Variants in RTN4 observed in about 807,000 individuals in gnomAD.
RTN4 encodes the protein reticulon-4.
In RTN4, 32 loss-of-function variants were observed where a neutral mutation model predicts 90.4. That is an observed-to-expected ratio of 0.35 (90% CI 0.27 to 0.48). RTN4 has a LOEUF of 0.48. RTN4 is among the 20% of genes least tolerant of loss of function. The pLI, the probability that RTN4 is intolerant of heterozygous loss-of-function variation, is 0.99. For synonymous variants in RTN4, 629 were observed against 552.5 expected (o/e 1.14, Z -1.94); for missense variants, 1,706 against 1,430.2 (o/e 1.19, Z -3.11).
In RTN4 at chr2:55,010,744, A is replaced by G. The variant is rs982610308; in HGVS notation, c.3013+14342T>C. On this transcript the variant is annotated intron_variant, in intron 3 of 8. Coordinates refer to ENST00000337526, the MANE Select transcript of RTN4 (RefSeq NM_020532.5). ...TGCACCTTATGAAGAGATAAACAGA[A>G]AATAAAAGTCAAATTACTAATGTTT... Among the ~76,000 whole-genome samples, 5 of 152,250 alleles carry G rather than the reference A, an allele frequency of 3.3e-5. No homozygotes were observed. The East Asian group carries it at 9.6e-4, about 29-fold the overall frequency.
chr2:55,126,181 C>T, the RTN4 span, among the ~76,000 whole-genome samples: 8 of 151,838 alleles, frequency 5.3e-5, no homozygotes, highest in African/African-American at 1.7e-4. Context: ...TGGAGCCTGA[C>T]CAACATGGAG....
At chr2:55,025,034 C>T in intron 3 of RTN4, 52 bp downstream of exon 3, 1 of 1,534,518 alleles carries the variant, frequency 6.5e-7, no homozygotes, top group African/African-American at 1.4e-5. Context: ...TGGAATGTTC[C>T]CTAAATCCAA....
At position 55,026,809 on chromosome 2, in the gene RTN4, C is replaced by T. The variant is rs1343807067; in HGVS notation, c.1290G>A (p.Glu430=). The change falls in exon 3 of 9, where the codon GAG becomes GAA. Residue 430 remains glutamate (E), a synonymous_variant. Coordinates refer to ENST00000337526, the MANE Select transcript of RTN4 (RefSeq NM_020532.5). ...CACTATCTTTTTCGTGATTAGTTTG[C>T]TCAAGGCTATCTGCAAAACATTTTT... ...VDKKCFADSL[E]QTNHEKDSES... 1.2e-6 allele frequency: 2 copies of T among 1,613,824 alleles called. No homozygotes were observed. The highest frequency in any genetic ancestry group is 1.7e-5 in the Admixed American group (1 of 59,962).
At chr2:55,131,666 C>G in the RTN4 span, among the ~76,000 whole-genome samples, 2 of 152,102 alleles carry the variant, frequency 1.3e-5, no homozygotes, top group South Asian at 4.1e-4. Flanking sequence ...GGTGTATCAC[C>G]TGAAGTCAGG....
Position 54,987,631 on chromosome 2 carries a change from C to T in RTN4, c.3081G>A (p.Leu1027=). 1 of 1,614,160 alleles carries T rather than the reference C, an allele frequency of 6.2e-7. No homozygotes were observed. Among genetic ancestry groups the T allele is most frequent in the African/African-American group, 1.3e-5 (1 of 75,042 alleles). The stretch of plus-strand genomic sequence containing the variant: ...TGCTGAATACTGTCAATGAAAGCAG[C>T]AGGAATAGGCTGGCACCAAACACCA... ...TGVVFGASLF[L]LLSLTVFSIV... The change falls in exon 4 of 9, where the codon CTG becomes CTA. Residue 1027 remains leucine (L), a synonymous_variant. Coordinates refer to ENST00000337526, the MANE Select transcript of RTN4 (RefSeq NM_020532.5).
Position 55,027,303 on chromosome 2 carries a change from G to T in RTN4, c.796C>A (p.Gln266Lys), listed in dbSNP as rs768644090. Residue 266 changes from glutamine to lysine, a missense_variant, in exon 3 of 9, where the codon CAA becomes AAA. Gln to Lys is a moderately conservative substitution (Grantham distance 53). Coordinates refer to ENST00000337526, the MANE Select transcript of RTN4 (RefSeq NM_020532.5). Reference sequence around the variant, plus strand: ...TTAGAAGCTTCACTGACATTTTCTTGAAGTGTTCCTTCAGTGGGTAATACT... The same window carrying T: ...TTAGAAGCTTCACTGACATTTTCTTTAAGTGTTCCTTCAGTGGGTAATACT... ...STVLPTEGTL[Q>K]ENVSEASKEV... is the part of the protein sequence containing the mutation. 8 of 1,613,648 alleles carry T rather than the reference G, an allele frequency of 5.0e-6. No individual in the cohort carries two copies. The highest frequency in any genetic ancestry group is 6.8e-6 in the Non-Finnish European group (8 of 1,179,730).
chr2:54,985,338 T>C (rs1374079386), intron 4 of RTN4, among the ~76,000 whole-genome samples: 1 of 151,912 alleles, frequency 6.6e-6, no homozygotes, highest in East Asian at 1.9e-4. Flanking sequence ...TTTTAATTTT[T>C]TGTAGAGATG....
Position 55,026,514 on chromosome 2 carries a change from A to C in RTN4, c.1585T>G (p.Tyr529Asp). 1 of 1,613,960 alleles carries C rather than the reference A, an allele frequency of 6.2e-7. No individual in the cohort carries two copies. Among genetic ancestry groups the C allele is most frequent in the Non-Finnish European group, 8.5e-7 (1 of 1,179,936 alleles). ...TTTGTTAAATTATCTGTTGTGACAT[A>C]ATCTGTCTCAGAATCCTGTGCTGCT... ...LVAAQDSETD[Y>D]VTTDNLTKVT... Residue 529 changes from tyrosine to aspartate, a missense_variant, in exon 3 of 9, where the codon TAT (tyrosine) becomes GAT (aspartate). Tyr to Asp is a radical substitution (Grantham distance 160, BLOSUM62 -3). Transcript: ENST00000337526.
At chr2:55,128,677 C>T in the RTN4 span, among the ~76,000 whole-genome samples, 1 of 151,544 alleles carries the variant, frequency 6.6e-6, no homozygotes. Context: ...CAATTCAGAA[C>T]AATGAAAGAT....
At chr2:55,107,406 A>AC in intron 1 of RTN4, among the ~76,000 whole-genome samples, 1 of 147,978 alleles carries the variant, frequency 6.8e-6, no homozygotes, top group East Asian at 1.9e-4. Context: ...TGAACCTCAA[A>AC]AAAAAAAAAA....
chr2:55,074,125 G>A (rs1668560836), intron 2 of RTN4, among the ~76,000 whole-genome samples: 1 of 152,194 alleles, frequency 6.6e-6, no homozygotes, highest in South Asian at 2.1e-4. Flanking sequence ...AAGGTGATGT[G>A]CTTTAGTAAC....
chr2:55,016,966 T>G (rs987170088), intron 3 of RTN4, among the ~76,000 whole-genome samples: 1 of 152,208 alleles, frequency 6.6e-6, no homozygotes, highest in Non-Finnish European at 1.5e-5. Flanking sequence ...CTCTTTTTTA[T>G]GGTACATATT....
intron 3 of RTN4, among the ~76,000 whole-genome samples, chr2:55,004,842 G>C (rs1680092960): frequency 6.6e-6 from 1 of 152,086 alleles, no homozygotes; most frequent in African/African-American, 2.4e-5. Context: ...AACCCCTCAT[G>C]CCCTTCCCTT....
chr2:55,047,317 G>C (rs1049267766), intron 1 of RTN4, among the ~76,000 whole-genome samples: 48 of 144,164 alleles, frequency 3.3e-4, no homozygotes, highest in Admixed American at 2.8e-3. Context: ...TGACAAGGGG[G>C]AGACTATCTC....
At chr2:55,046,468 T>C (rs1181349216) in intron 1 of RTN4, among the ~76,000 whole-genome samples, 1 of 152,126 alleles carries the variant, frequency 6.6e-6, no homozygotes, top group Non-Finnish European at 1.5e-5. Context: ...TGGAAATGTT[T>C]TCTCTCTGCA....
chr2:55,051,583 G>A (rs538603538), upstream of RTN4, among the ~76,000 whole-genome samples: 1 of 152,152 alleles, frequency 6.6e-6, no homozygotes, highest in African/African-American at 2.4e-5. Context: ...TGCCTACTCT[G>A]GAGGCCCTGG....
In RTN4 at chr2:54,973,034, T is replaced by C. The variant is rs973652154; in HGVS notation, c.*122A>G. On this transcript the variant is annotated 3_prime_UTR_variant, in exon 9 of 9. Transcript: ENST00000337526. ...AACAGTGCATGGCTAAAAATAAAGA[T>C]CTAACAACGATCTGTGAAACTGCAC... 3 of 741,726 alleles carry C rather than the reference T, an allele frequency of 4.0e-6. No individual in the cohort carries two copies. Among genetic ancestry groups the C allele is most frequent in the Admixed American group, 2.6e-5 (1 of 39,180 alleles). The allele number at this position is 741,726 out of a possible 1,614,324, so 45.9% of individuals were successfully genotyped here.
chr2:55,087,997 G>A (rs1208796595), intron 1 of RTN4, among the ~76,000 whole-genome samples: 1 of 152,228 alleles, frequency 6.6e-6, no homozygotes, highest in Non-Finnish European at 1.5e-5. Flanking sequence ...ACATAGAGCT[G>A]TGGTTGTGGA....
intron 4 of RTN4, among the ~76,000 whole-genome samples, chr2:54,986,011 G>A (rs944373677): frequency 1.3e-5 from 2 of 152,324 alleles, no homozygotes; most frequent in African/African-American, 4.8e-5. Flanking sequence ...TTTGGGGTCA[G>A]GGTTAGGAAA....
Sources: allele counts gnomAD v4.1 joint callset (sites outside exome capture counted in the v4.1 genomes callset), GRCh38; gene constraint gnomAD v4.1.1; transcripts MANE v1.5; gene names NCBI Gene and HGNC (gene_info 2026-07-23, HGNC 2026-07-21).